The following NELL2 variants were observed in gnomAD, a reference collection of about 807,000 sequenced individuals.
NELL2 encodes neural EGFL like 2.
Under a neutral mutation model 109.6 loss-of-function variants are expected in NELL2, and 41 were observed. The ratio of observed to expected loss-of-function variants is 0.37; its 90% confidence interval spans 0.29 to 0.49. The LOEUF (loss-of-function observed/expected upper bound fraction) is 0.49, where lower values mean the gene tolerates loss of function less well. Ranked by LOEUF, NELL2 falls within the 20% of genes least tolerant of loss-of-function variation. The pLI, the probability that NELL2 is intolerant of heterozygous loss-of-function variation, is 0.98. For synonymous variants in NELL2, 355 were observed against 344.7 expected (o/e 1.03, Z -0.33); for missense variants, 900 against 1,008.3 (o/e 0.89, Z 1.45).
chr12:44,561,430 C>T (rs1234510925), intron 15 of NELL2, among the ~76,000 whole-genome samples: 2 of 152,028 alleles, frequency 1.3e-5, no homozygotes, highest in Non-Finnish European at 2.9e-5. Context: ...TTTTAAAAAC[C>T]CCATTGTCTC....
At chr12:44,584,550 G>C (rs1471212184) in intron 15 of NELL2, among the ~76,000 whole-genome samples, 2 of 152,172 alleles carry the variant, frequency 1.3e-5, no homozygotes, top group African/African-American at 4.8e-5. Flanking sequence ...CAGTTGTTCT[G>C]TTTGGCAAGG....
chr12:44,886,144 G>A (rs183985499), intron 1 of NELL2, among the ~76,000 whole-genome samples: 29 of 133,202 alleles, frequency 2.2e-4, no homozygotes, highest in African/African-American at 8.0e-4. Context: ...AGGAAGGAAG[G>A]AAGAAAGGGA....
chr12:44,780,140 C>G, intron 3 of NELL2, 118 bp from the exon 4 acceptor site: 1 of 1,002,828 alleles, frequency 1.0e-6, no homozygotes, highest in Non-Finnish European at 1.5e-6. Flanking sequence ...CTAAGTACAA[C>G]TAGACATCAT....
At chr12:44,866,154 C>T (rs1944993775) in intron 2 of NELL2, among the ~76,000 whole-genome samples, 1 of 152,194 alleles carries the variant, frequency 6.6e-6, no homozygotes. Context: ...GAATGGCCCT[C>T]ACCAGACACC....
chr12:44,912,932 C>T (rs1285899529), intron 1 of NELL2, among the ~76,000 whole-genome samples: 4 of 152,116 alleles, frequency 2.6e-5, no homozygotes, highest in African/African-American at 9.7e-5. Context: ...ATTACTTAAC[C>T]TCTCTGTGCC....
chr12:44,543,376 T>G (rs890467359), intron 15 of NELL2, among the ~76,000 whole-genome samples: 2 of 152,152 alleles, frequency 1.3e-5, no homozygotes, highest in Non-Finnish European at 2.9e-5. Flanking sequence ...ACCACTCCAG[T>G]CCATTCACTA....
intron 12 of NELL2, among the ~76,000 whole-genome samples, chr12:44,669,280 G>A (rs1231467717): frequency 6.6e-6 from 1 of 152,170 alleles, no homozygotes; most frequent in African/African-American, 2.4e-5. Context: ...AAATTGGAAG[G>A]AGAGGCTGTT....
At chr12:44,650,967 C>T (rs886113104) in intron 13 of NELL2, among the ~76,000 whole-genome samples, 2 of 152,304 alleles carry the variant, frequency 1.3e-5, no homozygotes, top group African/African-American at 2.4e-5. Context: ...AGGCCTGGGC[C>T]GTGGACTGGT....
intron 9 of NELL2, among the ~76,000 whole-genome samples, chr12:44,724,657 T>C (rs988064927): frequency 2.0e-5 from 3 of 151,780 alleles, no homozygotes; most frequent in Non-Finnish European, 2.9e-5. Flanking sequence ...GAAGAATCAA[T>C]ATCATTAAAA....
At chr12:44,645,998 T>A (rs528881710) in intron 13 of NELL2, among the ~76,000 whole-genome samples, 2 of 152,312 alleles carry the variant, frequency 1.3e-5, no homozygotes. Context: ...TTTTATTAAT[T>A]TTAGTTGAAT....
intron 17 of NELL2, 50 bp downstream of exon 17, chr12:44,523,241 T>C (rs767875389): frequency 1.3e-5 from 21 of 1,589,032 alleles, no homozygotes; most frequent in Admixed American, 3.3e-5. Context: ...TTAAAACATA[T>C]GCAAATTACA....
intron 15 of NELL2, among the ~76,000 whole-genome samples, chr12:44,577,724 C>T (rs989527676): frequency 6.6e-6 from 1 of 152,108 alleles, no homozygotes; most frequent in African/African-American, 2.4e-5. Context: ...GTGATCCGCC[C>T]ACCTCGGCCT....
chr12:44,681,504 T>C (rs992825371), intron 12 of NELL2, among the ~76,000 whole-genome samples: 3 of 152,072 alleles, frequency 2.0e-5, no homozygotes, highest in African/African-American at 7.2e-5. Flanking sequence ...TCCATGCTGG[T>C]GCGCTGCACC....
At chr12:44,866,043 C>A (rs1397481483) in intron 2 of NELL2, among the ~76,000 whole-genome samples, 2 of 152,036 alleles carry the variant, frequency 1.3e-5, no homozygotes, top group East Asian at 3.9e-4. Flanking sequence ...ATGAAAGAGA[C>A]TGAAGGAAGC....
chr12:44,777,338 A>G, intron 5 of NELL2, 24 bp from the exon 6 acceptor site: 1 of 1,595,272 alleles, frequency 6.3e-7, no homozygotes, highest in South Asian at 1.1e-5. Flanking sequence ...ATAGAAAAAA[A>G]AGACATATTA....
intron 15 of NELL2, among the ~76,000 whole-genome samples, chr12:44,537,835 G>C (rs1312174870): frequency 6.6e-6 from 1 of 151,744 alleles, no homozygotes; most frequent in Non-Finnish European, 1.5e-5. Flanking sequence ...GTAAGATTTG[G>C]GTATAAAATA....
intron 1 of NELL2, among the ~76,000 whole-genome samples, chr12:44,882,034 C>G (rs1041846093): frequency 6.6e-6 from 1 of 151,716 alleles, no homozygotes; most frequent in Non-Finnish European, 1.5e-5. Flanking sequence ...GTTGAAAATA[C>G]CCTTCAGGAA....
In NELL2 at chr12:44,702,580, A is replaced by T. The variant is rs553269012; in HGVS notation, c.1318+1146T>A. Among the ~76,000 whole-genome samples the T allele has an allele frequency of 3.9e-5, 6 of 152,288 alleles. No homozygotes were observed. In the South Asian group the frequency reaches 1.2e-3, roughly 32 times the overall value. On this transcript the variant is annotated intron_variant, in intron 12 of 19. Coordinates refer to ENST00000429094, the MANE Select transcript of NELL2 (RefSeq NM_001145108.2). ...TCAAATATTATAATCAAAATACATTAGTTTCCTAAGAAAGTTTACCTCTAT... is the reference window on the plus strand; with the variant it reads ...TCAAATATTATAATCAAAATACATTTGTTTCCTAAGAAAGTTTACCTCTAT...
At chr12:44,736,028 T>C (rs932904798) in intron 9 of NELL2, among the ~76,000 whole-genome samples, 93 of 136,918 alleles carry the variant, frequency 6.8e-4, no homozygotes, top group African/African-American at 2.4e-3. Flanking sequence ...TTTTTTTTTT[T>C]CTGACGGAGT....
Sources: allele counts gnomAD v4.1 joint callset (sites outside exome capture counted in the v4.1 genomes callset), GRCh38; gene constraint gnomAD v4.1.1; transcripts MANE v1.5; gene names NCBI Gene and HGNC (gene_info 2026-07-23, HGNC 2026-07-21).